ZNF768: variants seen among roughly 807,000 people sequenced by gnomAD.
ZNF768 encodes zinc finger protein 768.
A neutral mutation model predicts 39.7 loss-of-function variants in ZNF768; 12 were observed. That is an observed-to-expected ratio of 0.30 (90% CI 0.19 to 0.49). The LOEUF is 0.49. ZNF768 is among the 20% of genes least tolerant of loss of function. ZNF768 has a pLI of 0.99. For missense variants in ZNF768, 613 were observed against 723.2 expected (o/e 0.85, Z 1.75); for synonymous variants, 360 against 288.4 (o/e 1.25, Z -2.52).
At chr16:30,526,963 C>G (rs957686026), upstream of ZNF768, 1 of 985,384 alleles carries the variant, frequency 1.0e-6, no homozygotes, top group Non-Finnish European at 1.2e-6. Flanking sequence ...CCGGAGCCCG[C>G]GGGGCTACCG....
chr16:30,530,582 T>TA (rs2051361063), upstream of ZNF768: 1 of 152,160 alleles, frequency 6.6e-6, no homozygotes, highest in Non-Finnish European at 1.5e-5. This position sits in a 1 kb window ranked among gnomAD's most constrained non-coding sequence, Gnocchi z 4.4. Flanking sequence ...GCCCCTGTGA[T>TA]AAAGTGACAC....
In ZNF768 at chr16:30,525,175, C is replaced by T; in HGVS notation, c.965G>A (p.Cys322Tyr). Residue 322 changes from cysteine (C) to tyrosine (Y), a missense_variant, in exon 2 of 2, where the codon TGC becomes TAC. Coordinates refer to ENST00000380412, the MANE Select transcript of ZNF768 (RefSeq NM_024671.4). ...AGAGCTGTCGGCGAAGGCCTTGCCGCAACGGGGACATTTGTAGGGCCGCTC... is the reference window on the plus strand; with the variant it reads ...AGAGCTGTCGGCGAAGGCCTTGCCGTAACGGGGACATTTGTAGGGCCGCTC... Reference protein sequence around the residue: ...TGERPYKCPRCGKAFADSSYL... With the variant: ...TGERPYKCPRYGKAFADSSYL... 1 of 1,614,136 alleles carries T rather than the reference C, an allele frequency of 6.2e-7. No individual in the cohort carries two copies. Among genetic ancestry groups the T allele is most frequent in the Non-Finnish European group, 8.5e-7 (1 of 1,180,000 alleles).
upstream of ZNF768, chr16:30,526,924 G>A: frequency 1.0e-6 from 1 of 985,502 alleles, no homozygotes. Flanking sequence ...GGAGGGGCCC[G>A]GCCACGGGGT....
At chr16:30,531,534 T>C (rs1176488816), upstream of ZNF768, 1 of 152,236 alleles carries the variant, frequency 6.6e-6, no homozygotes, top group African/African-American at 2.4e-5. Flanking sequence ...TCCCCTGTAA[T>C]CCCAGCACTT....
chr16:30,525,484 G>A lies in ZNF768; in HGVS notation c.656C>T (p.Pro219Leu). The change falls in exon 2 of 2, where the codon CCC (proline) becomes CTC (leucine). Residue 219 changes from proline (P) to leucine (L), a missense_variant. Around this residue, in one of 4 missense-constraint regions of ZNF768, gnomAD observed 347 missense variants for 326.1 expected, o/e 1.06. Coordinates refer to ENST00000380412, the MANE Select transcript of ZNF768 (RefSeq NM_024671.4). The stretch of plus-strand genomic sequence containing the variant: ...CGGTGTAGACAGCAGGGCCCCTGTG[G>A]GCATCTCAAAAGGTGGCCCTATGGG... The part of the protein sequence containing the change: ...DLPIGPPFEM[P>L]TGALLSTPQF... 3 of 1,614,134 alleles carry A rather than the reference G, an allele frequency of 1.9e-6. No individual in the cohort carries two copies. Among genetic ancestry groups the A allele is most frequent in the Non-Finnish European group, 2.5e-6 (3 of 1,180,016 alleles).
Position 30,524,254 on chromosome 16 carries a change from A to C in ZNF768, c.*263T>G. 5.4e-5 allele frequency: 14 copies of C among 260,506 alleles called. No homozygotes were observed. Among genetic ancestry groups the C allele is most frequent in the Admixed American group, 1.3e-4 (2 of 15,248 alleles). 16.1% of individuals were successfully genotyped at this position (260,506 alleles called of 1,614,324 possible). Reference sequence around the variant, plus strand: ...CTAGCAGTTGCCAAGCCAGGCACCCACCAAGGAGCCGCGGCTGAGGCCAGC... The same window carrying C: ...CTAGCAGTTGCCAAGCCAGGCACCCCCCAAGGAGCCGCGGCTGAGGCCAGC... On this transcript the variant is annotated 3_prime_UTR_variant, in exon 2 of 2. Coordinates refer to ENST00000380412, the MANE Select transcript of ZNF768 (RefSeq NM_024671.4).
At chr16:30,526,794 C>T (rs1407559247), upstream of ZNF768, 1 of 279,734 alleles carries the variant, frequency 3.6e-6, no homozygotes. Flanking sequence ...CCGCCCAGCA[C>T]CCCCCCACCC....
chr16:30,526,517 C>T lies in ZNF768; in HGVS notation c.-104G>A. On this transcript the variant is annotated 5_prime_UTR_variant, in exon 1 of 2. Coordinates refer to ENST00000380412, the MANE Select transcript of ZNF768 (RefSeq NM_024671.4). ...GCCCCCGCCTCCCGCCCGCTCAGCG[C>T]CGCCCAGGGGACTCGGCGGCCCAGC... is the stretch of plus-strand genomic sequence containing the variant. 6.8e-6 allele frequency: 8 copies of T among 1,181,636 alleles called. No homozygotes were observed. The highest frequency in any genetic ancestry group is 2.1e-6 in the Non-Finnish European group (2 of 954,370). The allele number at this position is 1,181,636 out of a possible 1,614,324, so 73.2% of individuals were successfully genotyped here.
At chr16:30,528,540 C>A (rs888632961), upstream of ZNF768, among the ~76,000 whole-genome samples, 7 of 152,128 alleles carry the variant, frequency 4.6e-5, no homozygotes, top group African/African-American at 9.7e-5. Flanking sequence ...GGTGACAGAG[C>A]AAGACTCCGT....
intron 1 of ZNF768, 75 bp downstream of exon 1, chr16:30,526,251 C>G (rs1185108094): frequency 4.2e-5 from 67 of 1,589,116 alleles, no homozygotes; most frequent in Non-Finnish European, 5.6e-5. Flanking sequence ...GCCCCGGGCC[C>G]TCGCTCCCTC....
Position 30,524,773 on chromosome 16 carries a change from G to A in ZNF768, c.1367C>T (p.Thr456Ile). 6.2e-7 allele frequency: 1 copy of A among 1,612,304 alleles called. No individual in the cohort carries two copies. The highest frequency in any genetic ancestry group is 8.5e-7 in the Non-Finnish European group (1 of 1,179,640). ...CTTGCCGCAGTCGGGGCAGCTGTAG[G>A]TGCGGCCTGGCAGGTGGGTGCGGGC... ...IHARTHLPGR[T>I]YSCPDCGKTF... is the part of the protein sequence containing the mutation. The change falls in exon 2 of 2, where the codon ACC becomes ATC. Residue 456 changes from threonine (T) to isoleucine (I), a missense_variant. This residue lies in a region of ZNF768 where 204 missense variants were observed against 281.7 expected (regional missense o/e 0.72). Coordinates refer to ENST00000380412, the MANE Select transcript of ZNF768 (RefSeq NM_024671.4).
intron 1 of ZNF768, 120 bp downstream of exon 1, chr16:30,526,206 C>G (rs1414942120): frequency 1.3e-6 from 2 of 1,537,622 alleles, no homozygotes; most frequent in Non-Finnish European, 1.7e-6. Context: ...CACCCCAGTC[C>G]CCGCCGGCCC....
Position 30,524,123 on chromosome 16 carries a change from C to T in ZNF768, c.*394G>A, listed in dbSNP as rs1002328110. On this transcript the variant is annotated 3_prime_UTR_variant, in exon 2 of 2. Transcript: ENST00000380412. ...CCCACCCCGGGGCCCCACTCCCCAC[C>T]CCACCTACCTTTTACCCGCTCCTGA... 1.4e-5 allele frequency: 3 copies of T among 211,422 alleles called. No individual in the cohort carries two copies. Among genetic ancestry groups the T allele is most frequent in the Non-Finnish European group, 2.8e-5 (3 of 106,264 alleles). The allele number at this position is 211,422 out of a possible 1,614,324, so 13.1% of individuals were successfully genotyped here. A position where few individuals can be genotyped will look rare whatever the true frequency, so the allele number is the denominator to read the frequency against.
chr16:30,524,369 G>C lies in ZNF768; in HGVS notation c.*148C>G. The C allele has an allele frequency of 1.5e-6, 2 of 1,310,820 alleles. No individual in the cohort carries two copies. Among genetic ancestry groups the C allele is most frequent in the Non-Finnish European group, 2.0e-6 (2 of 984,792 alleles). 81.2% of individuals were successfully genotyped at this position (1,310,820 alleles called of 1,614,324 possible). Reference sequence around the variant, plus strand: ...CACTTCCCACAAGTCTCCAGGGCATGTCACTTCCTCCACCCTGGTTCTCTT... The same window carrying C: ...CACTTCCCACAAGTCTCCAGGGCATCTCACTTCCTCCACCCTGGTTCTCTT... On this transcript the variant is annotated 3_prime_UTR_variant, in exon 2 of 2. Coordinates refer to ENST00000380412, the MANE Select transcript of ZNF768 (RefSeq NM_024671.4).
rs1220638934 is a variant in ZNF768, at chr16:30,525,476, C to T, written c.664G>A (p.Ala222Thr). The change falls in exon 2 of 2, where the codon GCC becomes ACC. Residue 222 changes from alanine to threonine, a missense_variant. Coordinates refer to ENST00000380412, the MANE Select transcript of ZNF768 (RefSeq NM_024671.4). ...TCAAACTGCGGTGTAGACAGCAGGG[C>T]CCCTGTGGGCATCTCAAAAGGTGGC... ...IGPPFEMPTG[A>T]LLSTPQFEML... The T allele has an allele frequency of 2.5e-6, 4 of 1,614,126 alleles. No homozygotes were observed. Among genetic ancestry groups the T allele is most frequent in the South Asian group, 1.1e-5 (1 of 91,086 alleles).
chr16:30,526,193 A>G, intron 1 of ZNF768, 133 bp downstream of exon 1: 1 of 1,527,474 alleles, frequency 6.5e-7, no homozygotes, highest in Non-Finnish European at 8.8e-7. Context: ...AGCTGACCCA[A>G]GACACCCCAG....
upstream of ZNF768, among the ~76,000 whole-genome samples, chr16:30,529,356 C>T (rs1449174669): frequency 6.6e-6 from 1 of 152,258 alleles, no homozygotes; most frequent in Admixed American, 6.5e-5. Flanking sequence ...GCATTATCTC[C>T]TGGCATGCCC....
upstream of ZNF768, chr16:30,530,528 C>G (rs2051360467): frequency 6.6e-6 from 1 of 152,162 alleles, no homozygotes; most frequent in Admixed American, 6.5e-5. The surrounding 1 kb of genome is among the most constrained non-coding windows in gnomAD (Gnocchi z 4.4). Flanking sequence ...AAACCTGGTA[C>G]AAAGGTATCT....
At chr16:30,528,606 A>G (rs2051347640), upstream of ZNF768, among the ~76,000 whole-genome samples, 1 of 152,184 alleles carries the variant, frequency 6.6e-6, no homozygotes, top group Non-Finnish European at 1.5e-5. Context: ...TATGCCACGA[A>G]TGAAGCGGGG....
Sources: allele counts gnomAD v4.1 joint callset (sites outside exome capture counted in the v4.1 genomes callset), GRCh38; gene constraint gnomAD v4.1.1; regional missense constraint gnomAD v4.1.1; non-coding constraint Gnocchi (gnomAD v3.1); transcripts MANE v1.5; gene names NCBI Gene and HGNC (gene_info 2026-07-23, HGNC 2026-07-21).